WDR64: variants seen among roughly 807,000 people sequenced by gnomAD.
WDR64 encodes the protein WD repeat domain 64, also known as WD repeat-containing protein 64.
A neutral mutation model predicts 139.3 loss-of-function variants in WDR64; 112 were observed. The observed-to-expected ratio is 0.80, with a 90% CI of 0.69 to 0.94. The LOEUF is 0.94. Ranked by LOEUF, WDR64 falls within the 40% of genes least tolerant of loss-of-function variation. WDR64 has a pLI of 0.00. For synonymous variants in WDR64, 444 were observed against 437.7 expected (o/e 1.01, Z -0.18); for missense variants, 1,206 against 1,293.1 (o/e 0.93, Z 1.03).
intron 22 of WDR64, among the ~76,000 whole-genome samples, chr1:241,782,035 C>A (rs1045199115): frequency 3.3e-5 from 5 of 152,292 alleles, no homozygotes; most frequent in Non-Finnish European, 2.9e-5. Flanking sequence ...GCCTGTAATC[C>A]CAGCACTTTG....
At chr1:241,671,051 A>G (rs185513740) in intron 2 of WDR64, 23 bp from the exon 3 acceptor site, 2 of 1,472,468 alleles carry the variant, frequency 1.4e-6, no homozygotes, top group African/African-American at 2.8e-5. Flanking sequence ...CTGCATATTT[A>G]TATGTGCTGT....
rs906773098 is a variant in WDR64, at chr1:241,656,476, G to A, written c.145+3847G>A. On this transcript the variant is annotated intron_variant, in intron 1 of 27. Coordinates refer to ENST00000437684, the MANE Select transcript of WDR64 (RefSeq NM_001367482.1). The surrounding 1 kb of genome is among the most constrained non-coding windows in gnomAD (Gnocchi z 4.3). ...ACAATGAAACTCATATCTTGTAGCA[G>A]TTGGTGTAAATAAATATAAAACAGC... Among the ~76,000 whole-genome samples the A allele has an allele frequency of 5.3e-5, 8 of 152,294 alleles. No homozygotes were observed. The highest frequency in any genetic ancestry group is 4.1e-4 in the South Asian group (2 of 4,824).
chr1:241,760,744 A>G (rs1670398059), intron 15 of WDR64, among the ~76,000 whole-genome samples: 1 of 146,580 alleles, frequency 6.8e-6, no homozygotes, highest in African/African-American at 2.5e-5. Context: ...TTATATATAT[A>G]TATAGTGGGT....
chr1:241,664,504 C>T (rs1665956345), intron 2 of WDR64, among the ~76,000 whole-genome samples: 1 of 152,202 alleles, frequency 6.6e-6, no homozygotes, highest in African/African-American at 2.4e-5. Flanking sequence ...AGACAAAGCA[C>T]TCTGTGATAA....
At chr1:241,720,985 A>T (rs1277905145) in intron 9 of WDR64, among the ~76,000 whole-genome samples, 1 of 152,160 alleles carries the variant, frequency 6.6e-6, no homozygotes, top group Admixed American at 6.5e-5. Flanking sequence ...GGTGTAAGAA[A>T]AGAGACCAAT....
At chr1:241,698,276 T>C (rs1439772274) in intron 8 of WDR64, among the ~76,000 whole-genome samples, 4 of 152,170 alleles carry the variant, frequency 2.6e-5, no homozygotes, top group African/African-American at 9.7e-5. Context: ...TTCTCTTTTC[T>C]TCCTTGATTC....
intron 10 of WDR64, among the ~76,000 whole-genome samples, chr1:241,735,057 T>C (rs1462695053): frequency 1.3e-5 from 2 of 152,226 alleles, no homozygotes; most frequent in Non-Finnish European, 2.9e-5. Context: ...TGAGTTTTTG[T>C]TAATTTTTAA....
At chr1:241,772,464 T>TTTTTTTTG (rs1658493090) in intron 19 of WDR64, among the ~76,000 whole-genome samples, 1 of 115,608 alleles carries the variant, frequency 8.6e-6, no homozygotes, top group Non-Finnish European at 1.8e-5. Flanking sequence ...TTTTTTTTTT[T>TTTTTTTTG]TTTTTTTTTT....
intron 21 of WDR64, among the ~76,000 whole-genome samples, chr1:241,776,581 T>C (rs1210549874): frequency 6.6e-6 from 1 of 152,216 alleles, no homozygotes; most frequent in Non-Finnish European, 1.5e-5. Context: ...TACATTAGGA[T>C]ATTCTTATAC....
intron 15 of WDR64, among the ~76,000 whole-genome samples, chr1:241,764,242 C>T (rs770793989): frequency 3.9e-5 from 6 of 152,164 alleles, no homozygotes; most frequent in Non-Finnish European, 5.9e-5. Flanking sequence ...AGAAATGACA[C>T]GATCAGATTT....
chr1:241,759,155 C>G (rs6670605), intron 15 of WDR64, among the ~76,000 whole-genome samples: 22,931 of 151,998 alleles, frequency 0.15, 1,931 homozygotes, highest in African/African-American at 0.19. Flanking sequence ...ACATTATATT[C>G]TAGTTTCAGA....
At chr1:241,726,892 GT>G (rs71174837) in intron 10 of WDR64, among the ~76,000 whole-genome samples, 11 of 149,230 alleles carry the variant, frequency 7.4e-5, no homozygotes, top group South Asian at 6.3e-4. Flanking sequence ...TAAGGACAAA[GT>G]TTTTTTTTTT....
At position 241,723,406 on chromosome 1, in the gene WDR64, T is replaced by A; in HGVS notation, c.1164T>A (p.Asp388Glu). Residue 388 changes from aspartate (D) to glutamate (E), a missense_variant, in exon 10 of 28, where the codon GAT becomes GAA. Physicochemically the swap from Asp to Glu is conservative, Grantham distance 45 (BLOSUM62 2). Coordinates refer to ENST00000437684, the MANE Select transcript of WDR64 (RefSeq NM_001367482.1). ...CCGAGATCGTAACCAATGAAAAAGA[T>A]CAACATGTCGTCAGCCTTTCCTCTG... is the stretch of plus-strand genomic sequence containing the variant. ...SIAEIVTNEK[D>E]QHVVSLSSAK... 1 of 1,613,808 alleles carries A rather than the reference T, an allele frequency of 6.2e-7. No homozygotes were observed. The highest frequency in any genetic ancestry group is 8.5e-7 in the Non-Finnish European group (1 of 1,179,826).
chr1:241,711,686 C>T, intron 8 of WDR64, 116 bp from the exon 9 acceptor site: 1 of 983,350 alleles, frequency 1.0e-6, no homozygotes, highest in Non-Finnish European at 1.5e-6. Flanking sequence ...GGCCTGGGGG[C>T]AAATGGATTT....
chr1:241,652,696 C>A, intron 1 of WDR64, 67 bp downstream of exon 1: 1 of 1,514,570 alleles, frequency 6.6e-7, no homozygotes. Context: ...TGTTTTAAGC[C>A]ATCAGAGAGA....
chr1:241,776,405 CA>C (rs1658656259), intron 21 of WDR64, among the ~76,000 whole-genome samples: 1 of 152,086 alleles, frequency 6.6e-6, no homozygotes, highest in African/African-American at 2.4e-5. Flanking sequence ...AAAAAAGTTA[CA>C]ACAAACCATT....
At position 241,744,443 on chromosome 1, in the gene WDR64, TGG is replaced by T. The variant is rs746148565; in HGVS notation, c.1522_1523del (p.Gly508PhefsTer4). The T allele has an allele frequency of 2.1e-5, 34 of 1,614,018 alleles. No individual in the cohort carries two copies. The highest frequency in any genetic ancestry group is 1.7e-6 in the Non-Finnish European group (2 of 1,180,000). On this transcript the variant is annotated frameshift_variant, in exon 13 of 28. Coordinates refer to ENST00000437684, the MANE Select transcript of WDR64 (RefSeq NM_001367482.1). LOFTEE classifies it high-confidence loss of function. Reference sequence around the variant, plus strand: ...AAGTATACCAGATTTTAGAACCTCATGGTTTCAATACTGAAGTGACTTCTGCA... The same window carrying T: ...AAGTATACCAGATTTTAGAACCTCATTTTCAATACTGAAGTGACTTCTGCA... ...LQVYQILEPH[G>X]FNTEVTSAAV...
chr1:241,773,649 G>T (rs1658544586), intron 20 of WDR64, among the ~76,000 whole-genome samples: 1 of 152,092 alleles, frequency 6.6e-6, no homozygotes, highest in Non-Finnish European at 1.5e-5. Flanking sequence ...TGTATTTTTA[G>T]TAGAGACGGG....
intron 6 of WDR64, among the ~76,000 whole-genome samples, chr1:241,681,086 TTCTC>T (rs113784729): frequency 3.3e-4 from 49 of 150,450 alleles, no homozygotes; most frequent in Middle Eastern, 6.8e-3. Context: ...CTACAGCCTC[TTCTC>T]TCTCTCTCTC....
Sources: allele counts gnomAD v4.1 joint callset (sites outside exome capture counted in the v4.1 genomes callset), GRCh38; gene constraint gnomAD v4.1.1; non-coding constraint Gnocchi (gnomAD v3.1); transcripts MANE v1.5; gene names NCBI Gene and HGNC (gene_info 2026-07-23, HGNC 2026-07-21).